The following KCNQ3 variants were observed in gnomAD, a reference collection of about 807,000 sequenced individuals.
KCNQ3 encodes the protein potassium voltage-gated channel subfamily KQT member 3.
Under a neutral mutation model 92.5 loss-of-function variants are expected in KCNQ3, and 30 were observed. That is an observed-to-expected ratio of 0.32 (90% CI 0.24 to 0.44). KCNQ3 has a LOEUF of 0.44. KCNQ3 is among the 20% of genes least tolerant of loss of function. KCNQ3 has a pLI of 1.00. For missense variants in KCNQ3, 913 were observed against 1,140.3 expected (o/e 0.80, Z 2.87); for synonymous variants, 450 against 468.8 (o/e 0.96, Z 0.52).
intron 1 of KCNQ3, among the ~76,000 whole-genome samples, chr8:132,370,157 G>A (rs1354296925): frequency 6.6e-6 from 1 of 152,156 alleles, no homozygotes; most frequent in East Asian, 1.9e-4. Flanking sequence ...CAAGTTCAAA[G>A]AGGGCAGGGA....
intron 8 of KCNQ3, among the ~76,000 whole-genome samples, chr8:132,164,708 G>C (rs972058809): frequency 6.6e-6 from 1 of 152,172 alleles, no homozygotes; most frequent in Non-Finnish European, 1.5e-5. Context: ...GGGAAGGAAA[G>C]GGCAAGGGGG....
At chr8:132,222,146 A>G (rs1358887324) in intron 1 of KCNQ3, among the ~76,000 whole-genome samples, 2 of 152,256 alleles carry the variant, frequency 1.3e-5, no homozygotes, top group Non-Finnish European at 2.9e-5. Context: ...AGAATGGGAG[A>G]AAATTTTGCA....
intron 1 of KCNQ3, among the ~76,000 whole-genome samples, chr8:132,370,873 C>A (rs1819455693): frequency 6.6e-6 from 1 of 152,178 alleles, no homozygotes; most frequent in African/African-American, 2.4e-5. Context: ...TTACCAGTAC[C>A]CAGTGAAGTC....
rs1346919714 is a variant in KCNQ3, at chr8:132,127,437, T to C, written c.*1825A>G. ...TTCTGAGCTTTTTGTACAGTAACTG[T>C]TGACATGTGAGTTGAAAGGAACCTA... On this transcript the variant is annotated 3_prime_UTR_variant, in exon 15 of 15. Transcript: ENST00000388996. The C allele has an allele frequency of 6.6e-6, 1 of 152,196 alleles. No homozygotes were observed. The highest frequency in any genetic ancestry group is 6.5e-5 in the Admixed American group (1 of 15,280). 9.4% of individuals were successfully genotyped at this position (152,196 alleles called of 1,614,324 possible).
Position 132,172,610 on chromosome 8 carries a change from A to C in KCNQ3, c.1128T>G (p.Ala376=), listed in dbSNP as rs1359217626. 3 of 1,613,844 alleles carry C rather than the reference A, an allele frequency of 1.9e-6. No homozygotes were observed. The highest frequency in any genetic ancestry group is 1.7e-5 in the Admixed American group (1 of 60,006). The change falls in exon 7 of 15, where the codon GCT becomes GCG. Residue 376 remains alanine (A), a synonymous_variant. Transcript: ENST00000388996. ...CAGGCAGACAGACCTGAATGAGCTC[A>C]GCAGCTGGCTTCCTCCTTTTCTCAA... The part of the protein sequence containing the change: ...KHFEKRRKPA[A]ELIQAAWRYY...
At chr8:132,211,811 G>A (rs1320285719) in intron 1 of KCNQ3, among the ~76,000 whole-genome samples, 3 of 151,976 alleles carry the variant, frequency 2.0e-5, no homozygotes, top group African/African-American at 7.3e-5. Flanking sequence ...AAATTAGCCA[G>A]GCATGGTGGC....
At chr8:132,468,814 G>A (rs1201723158) in intron 1 of KCNQ3, among the ~76,000 whole-genome samples, 1 of 152,120 alleles carries the variant, frequency 6.6e-6, no homozygotes, top group Non-Finnish European at 1.5e-5. Context: ...ACCTCGGGGG[G>A]AAGCCAGCCA....
intron 1 of KCNQ3, among the ~76,000 whole-genome samples, chr8:132,429,352 T>C (rs1177139537): frequency 6.6e-6 from 1 of 152,202 alleles, no homozygotes; most frequent in Non-Finnish European, 1.5e-5. Context: ...TCAGTAGCTC[T>C]ATATGACAGA....
intron 1 of KCNQ3, among the ~76,000 whole-genome samples, chr8:132,452,316 G>A (rs1190436710): frequency 6.6e-6 from 1 of 152,076 alleles, no homozygotes; most frequent in East Asian, 1.9e-4. Context: ...ACTCCTCTAG[G>A]TGCCTCTTTT....
chr8:132,475,463 T>A (rs1353628615), intron 1 of KCNQ3, among the ~76,000 whole-genome samples: 1 of 152,144 alleles, frequency 6.6e-6, no homozygotes, highest in Non-Finnish European at 1.5e-5. Flanking sequence ...CAGATGGAGA[T>A]GAGGAACTTA....
intron 1 of KCNQ3, among the ~76,000 whole-genome samples, chr8:132,479,197 G>T: frequency 6.6e-6 from 1 of 152,052 alleles, no homozygotes; most frequent in East Asian, 1.9e-4. Context: ...CCAAATACGG[G>T]TGGATTTTCC....
At chr8:132,341,663 C>G (rs938432419) in intron 1 of KCNQ3, among the ~76,000 whole-genome samples, 1 of 152,220 alleles carries the variant, frequency 6.6e-6, no homozygotes, top group Non-Finnish European at 1.5e-5. Flanking sequence ...TAATCCAGAC[C>G]TGGTTTCTCT....
intron 1 of KCNQ3, among the ~76,000 whole-genome samples, chr8:132,435,625 T>C (rs770401124): frequency 6.6e-6 from 1 of 152,142 alleles, no homozygotes; most frequent in East Asian, 1.9e-4. Context: ...CTAGACCGAG[T>C]AGTGAACAGG....
chr8:132,441,794 C>T (rs966068083), intron 1 of KCNQ3, among the ~76,000 whole-genome samples: 4 of 151,964 alleles, frequency 2.6e-5, no homozygotes, highest in African/African-American at 2.4e-5. Context: ...CATTTTTTGA[C>T]GTTTTAATAG....
chr8:132,296,496 C>T (rs893248799), intron 1 of KCNQ3, among the ~76,000 whole-genome samples: 1 of 152,046 alleles, frequency 6.6e-6, no homozygotes, highest in Admixed American at 6.5e-5. Context: ...CCCATTAACT[C>T]GTCTTTAGCG....
At chr8:132,169,201 C>T (rs1033992637) in intron 8 of KCNQ3, among the ~76,000 whole-genome samples, 1 of 152,104 alleles carries the variant, frequency 6.6e-6, no homozygotes, top group African/African-American at 2.4e-5. Context: ...CTGGCTCAGC[C>T]CCACCCCAGG....
chr8:132,375,601 T>C (rs1217517113), intron 1 of KCNQ3, among the ~76,000 whole-genome samples: 1 of 152,226 alleles, frequency 6.6e-6, no homozygotes, highest in East Asian at 1.9e-4. Flanking sequence ...AACCACACTT[T>C]AAGAATAGCT....
chr8:132,246,833 A>G (rs1815196708), intron 1 of KCNQ3, among the ~76,000 whole-genome samples: 1 of 152,182 alleles, frequency 6.6e-6, no homozygotes. Flanking sequence ...TGTATGGACT[A>G]TCAGCACCAT....
intron 1 of KCNQ3, among the ~76,000 whole-genome samples, chr8:132,192,546 CTCTCTCTACAT>C (rs1827191942): frequency 1.3e-5 from 2 of 152,164 alleles, no homozygotes; most frequent in South Asian, 4.1e-4. Flanking sequence ...CTTTGGTTTC[CTCTCTCTACAT>C]TCTCACCAAT....
Sources: gnomAD v4.1 joint callset for allele counts (sites outside exome capture counted in the v4.1 genomes callset) on GRCh38, gnomAD v4.1.1 for gene constraint, MANE v1.5 for transcripts, NCBI Gene and HGNC (gene_info 2026-07-23, HGNC 2026-07-21) for gene names.